STXBP5L: variants seen among roughly 807,000 people sequenced by gnomAD.
STXBP5L encodes syntaxin-binding protein 5-like.
Under a neutral mutation model 144.5 loss-of-function variants are expected in STXBP5L, and 65 were observed. The ratio of observed to expected loss-of-function variants is 0.45; its 90% CI spans 0.37 to 0.55. STXBP5L has a LOEUF of 0.55. Ranked by LOEUF, STXBP5L falls within the 20% of genes least tolerant of loss-of-function variation. STXBP5L has a pLI of 0.00. For synonymous variants in STXBP5L, 505 were observed against 469.6 expected (o/e 1.08, Z -0.97); for missense variants, 1,298 against 1,405.5 (o/e 0.92, Z 1.22).
At chr3:121,235,775 T>G (rs1406918439) in intron 12 of STXBP5L, among the ~76,000 whole-genome samples, 1 of 151,874 alleles carries the variant, frequency 6.6e-6, no homozygotes, top group Non-Finnish European at 1.5e-5. Flanking sequence ...TGGGATACTA[T>G]CTGCAACATT....
chr3:121,346,342 A>G (rs895498228), intron 20 of STXBP5L, among the ~76,000 whole-genome samples: 6 of 151,732 alleles, frequency 4.0e-5, no homozygotes, highest in African/African-American at 1.5e-4. Context: ...TTCTTAATCC[A>G]CTCTATCACT....
intron 3 of STXBP5L, among the ~76,000 whole-genome samples, chr3:120,955,477 GTTAA>G (rs1025450344): frequency 2.6e-5 from 4 of 152,000 alleles, no homozygotes; most frequent in Non-Finnish European, 5.9e-5. Flanking sequence ...AGTGGAAACA[GTTAA>G]TTAATTTGAG....
At chr3:121,343,582 C>T (rs1334046152) in intron 20 of STXBP5L, among the ~76,000 whole-genome samples, 1 of 152,070 alleles carries the variant, frequency 6.6e-6, no homozygotes, top group Non-Finnish European at 1.5e-5. Context: ...ACAAAAATCA[C>T]AAGCATTCTT....
At chr3:121,286,296 AT>A (rs1347688717) in intron 19 of STXBP5L, among the ~76,000 whole-genome samples, 2 of 152,310 alleles carry the variant, frequency 1.3e-5, no homozygotes, top group East Asian at 3.9e-4. Flanking sequence ...GCAAATAAGT[AT>A]TGTAAAACGA....
chr3:121,112,477 T>C (rs2044032663), intron 5 of STXBP5L, among the ~76,000 whole-genome samples: 1 of 152,076 alleles, frequency 6.6e-6, no homozygotes, highest in South Asian at 2.1e-4. Flanking sequence ...CAACTGCCTA[T>C]TCAGTCCCAA....
intron 5 of STXBP5L, chr3:121,099,695 G>C (rs1330504362): frequency 2.6e-5 from 4 of 153,134 alleles, no homozygotes; most frequent in Non-Finnish European, 5.9e-5. Flanking sequence ...TCTTCACCCT[G>C]ACTCCAAGCC....
chr3:120,941,549 T>G (rs1209057906), intron 2 of STXBP5L, among the ~76,000 whole-genome samples: 1 of 151,790 alleles, frequency 6.6e-6, no homozygotes, highest in Non-Finnish European at 1.5e-5. Context: ...ACAACAGCTC[T>G]GAATACAGAG....
At chr3:121,102,882 T>C (rs998565131) in intron 5 of STXBP5L, among the ~76,000 whole-genome samples, 1 of 151,858 alleles carries the variant, frequency 6.6e-6, no homozygotes, top group Admixed American at 6.6e-5. Flanking sequence ...CCATTAAAAA[T>C]TGGGCAAAAG....
intron 3 of STXBP5L, among the ~76,000 whole-genome samples, chr3:120,964,642 G>A (rs949716483): frequency 1.3e-5 from 2 of 152,162 alleles, no homozygotes; most frequent in African/African-American, 4.8e-5. Context: ...GAGACAGTTT[G>A]TTGTAATTTC....
At chr3:121,301,371 C>A (rs980630068) in intron 19 of STXBP5L, among the ~76,000 whole-genome samples, 4 of 152,098 alleles carry the variant, frequency 2.6e-5, no homozygotes, top group African/African-American at 9.7e-5. Context: ...TATAAGAATG[C>A]TTGTGATTTT....
intron 23 of STXBP5L, 38 bp from the exon 24 acceptor site, chr3:121,413,120 C>A (rs748940670): frequency 5.6e-6 from 8 of 1,420,022 alleles, no homozygotes; most frequent in African/African-American, 2.9e-5. Flanking sequence ...CTTCTAACAA[C>A]CTGCATATGA....
At chr3:121,334,281 G>T (rs2044425433) in intron 20 of STXBP5L, among the ~76,000 whole-genome samples, 1 of 152,032 alleles carries the variant, frequency 6.6e-6, no homozygotes. Flanking sequence ...AAAAGTCCAG[G>T]TCCAGAAGGA....
intron 19 of STXBP5L, among the ~76,000 whole-genome samples, chr3:121,316,343 T>G (rs571723734): frequency 1.9e-4 from 29 of 152,304 alleles, no homozygotes; most frequent in Non-Finnish European, 4.3e-4. Context: ...CAATAGACAG[T>G]ACAGAAATAG....
chr3:121,152,554 T>C lies in STXBP5L; in HGVS notation c.747T>C (p.Tyr249=), dbSNP rs776586708. Residue 249 remains tyrosine (Y), a synonymous_variant, in exon 8 of 27, where the codon TAT becomes TAC. Coordinates refer to ENST00000471454, the MANE Select transcript of STXBP5L (RefSeq NM_001308330.2). ...AAAGAGCAGAACTGAGAGTTTATTA[T>C]GATGAGGTAAGTGATTTCTACCGAC... The part of the protein sequence containing the change: ...KSKRAELRVY[Y]DEAIHSIDWH... The C allele has an allele frequency of 1.2e-6, 2 of 1,601,408 alleles. No individual in the cohort carries two copies. Among genetic ancestry groups the C allele is most frequent in the African/African-American group, 1.3e-5 (1 of 74,268 alleles).
chr3:121,321,315 G>C (rs1033374553), intron 20 of STXBP5L, among the ~76,000 whole-genome samples: 1 of 152,058 alleles, frequency 6.6e-6, no homozygotes, highest in Non-Finnish European at 1.5e-5. Flanking sequence ...ATCCTTCTGG[G>C]AAAAGTGCGA....
intron 14 of STXBP5L, among the ~76,000 whole-genome samples, chr3:121,243,230 G>A (rs1281443791): frequency 6.6e-6 from 1 of 152,084 alleles, no homozygotes; most frequent in African/African-American, 2.4e-5. Flanking sequence ...GCCACTGAGA[G>A]CAAAATATAT....
At chr3:121,007,847 T>G (rs957490179) in intron 3 of STXBP5L, among the ~76,000 whole-genome samples, 1 of 152,144 alleles carries the variant, frequency 6.6e-6, no homozygotes, top group South Asian at 2.1e-4. Context: ...TACACATCTT[T>G]TACTACACAG....
chr3:121,404,915 C>G (rs2046962179), intron 22 of STXBP5L, among the ~76,000 whole-genome samples: 1 of 152,088 alleles, frequency 6.6e-6, no homozygotes, highest in Non-Finnish European at 1.5e-5. Context: ...TCTCACAGTT[C>G]TGGAGACTGA....
chr3:121,177,196 A>G (rs1173531377), intron 9 of STXBP5L, among the ~76,000 whole-genome samples: 1 of 152,200 alleles, frequency 6.6e-6, no homozygotes, highest in East Asian at 1.9e-4. Context: ...GTAAAATAAT[A>G]TGGCATGGCT....
Sources: gnomAD v4.1 joint callset for allele counts (sites outside exome capture counted in the v4.1 genomes callset) on GRCh38, gnomAD v4.1.1 for gene constraint, MANE v1.5 for transcripts, NCBI Gene and HGNC (gene_info 2026-07-23, HGNC 2026-07-21) for gene names.